Variants in SHISA9 observed in about 807,000 individuals in gnomAD.
SHISA9 encodes protein shisa-9.
A neutral mutation model predicts 38.0 loss-of-function variants in SHISA9; 13 were observed. The observed-to-expected ratio is 0.34, with a 90% CI of 0.22 to 0.54. The LOEUF (loss-of-function observed/expected upper bound fraction) is 0.54, where lower values mean the gene tolerates loss of function less well. Among genes scored for constraint, SHISA9 ranks in the 20% least tolerant of loss-of-function variants. The pLI, the probability that SHISA9 is intolerant of heterozygous loss-of-function variation, is 0.91. For missense variants in SHISA9, 538 were observed against 575.8 expected (o/e 0.93, Z 0.67); for synonymous variants, 275 against 242.0 (o/e 1.14, Z -1.27).
the SHISA9 span, among the ~76,000 whole-genome samples, chr16:13,291,517 T>G: frequency 1.3e-5 from 2 of 152,210 alleles, no homozygotes; most frequent in South Asian, 4.1e-4. Flanking sequence ...CTTTTTCATG[T>G]TTCCCATGAA....
Position 13,236,710 on chromosome 16 carries a change from G to T in SHISA9, c.*1301G>T, listed in dbSNP as rs1248608779. On this transcript the variant is annotated 3_prime_UTR_variant, in exon 5 of 5. Transcript: ENST00000558583. ...GAGCCCACCCCATAACACCCTCTGA[G>T]GGGCTGCTACAATGTCAGGGGTACC... 1 of 152,084 alleles carries T rather than the reference G, an allele frequency of 6.6e-6. No individual in the cohort carries two copies. Among genetic ancestry groups the T allele is most frequent in the Non-Finnish European group, 1.5e-5 (1 of 68,028 alleles). The allele number at this position is 152,084 out of a possible 1,614,324, so 9.4% of individuals were successfully genotyped here.
At chr16:12,966,181 T>C (rs2071975637) in intron 2 of SHISA9, among the ~76,000 whole-genome samples, 1 of 152,210 alleles carries the variant, frequency 6.6e-6, no homozygotes, top group Non-Finnish European at 1.5e-5. Context: ...TGGGCACCAC[T>C]GGCTGAAACT....
the SHISA9 span, among the ~76,000 whole-genome samples, chr16:13,417,543 G>A: frequency 6.6e-6 from 1 of 152,202 alleles, no homozygotes; most frequent in Non-Finnish European, 1.5e-5. Flanking sequence ...TCATTACAGT[G>A]TACTCACTTC....
chr16:13,400,629 G>T, the SHISA9 span, among the ~76,000 whole-genome samples: 1 of 152,190 alleles, frequency 6.6e-6, no homozygotes, highest in African/African-American at 2.4e-5. Flanking sequence ...GACAGTTGCT[G>T]CCAGGGTCCC....
chr16:13,394,953 GTGTGT>G, the SHISA9 span, among the ~76,000 whole-genome samples: 47 of 146,478 alleles, frequency 3.2e-4, no homozygotes, highest in African/African-American at 1.2e-3. Flanking sequence ...GTGTGTGTGT[GTGTGT>G]GTGTGTGTGT....
At chr16:12,973,742 C>G (rs577866413) in intron 2 of SHISA9, among the ~76,000 whole-genome samples, 2 of 152,140 alleles carry the variant, frequency 1.3e-5, no homozygotes, top group Non-Finnish European at 2.9e-5. Context: ...ATTAAGACTC[C>G]TAGAGGTGGG....
At chr16:13,338,298 T>C in the SHISA9 span, among the ~76,000 whole-genome samples, 1 of 152,208 alleles carries the variant, frequency 6.6e-6, no homozygotes, top group Non-Finnish European at 1.5e-5. Context: ...TCTCTTCTTT[T>C]TGCTTACGTC....
At chr16:13,142,018 A>T (rs2060895687) in intron 2 of SHISA9, among the ~76,000 whole-genome samples, 1 of 152,226 alleles carries the variant, frequency 6.6e-6, no homozygotes, top group Admixed American at 6.5e-5. Context: ...TTGTAGAAAG[A>T]TTACGCACTG....
the SHISA9 span, among the ~76,000 whole-genome samples, chr16:13,435,678 A>G: frequency 1.3e-5 from 2 of 152,230 alleles, no homozygotes; most frequent in Non-Finnish European, 2.9e-5. Context: ...CATTCTGCCC[A>G]CACGCAGCAA....
intron 2 of SHISA9, among the ~76,000 whole-genome samples, chr16:13,000,741 A>T (rs973799805): frequency 1.3e-5 from 2 of 152,328 alleles, no homozygotes; most frequent in African/African-American, 4.8e-5. Flanking sequence ...TAAGCATTCA[A>T]GAATGAGCAG....
At chr16:12,987,783 C>T (rs953031964) in intron 2 of SHISA9, among the ~76,000 whole-genome samples, 4 of 152,144 alleles carry the variant, frequency 2.6e-5, no homozygotes, top group African/African-American at 9.7e-5. Flanking sequence ...TTAGAGCTGC[C>T]ATTTTGTTGA....
At chr16:13,108,569 G>C (rs1239867782) in intron 2 of SHISA9, among the ~76,000 whole-genome samples, 1 of 152,090 alleles carries the variant, frequency 6.6e-6, no homozygotes, top group African/African-American at 2.4e-5. Context: ...CTGGCCCAAA[G>C]AGAGCATCTT....
Position 13,019,877 on chromosome 16 carries a change from TCCC to T in SHISA9, c.691+103063_691+103065del, listed in dbSNP as rs1567184030. Among the ~76,000 whole-genome samples, 20 of 33,458 alleles carry T rather than the reference TCCC, an allele frequency of 6.0e-4. 1 individual carries two copies. Among genetic ancestry groups the T allele is most frequent in the Admixed American group, 1.4e-3 (4 of 2,766 alleles). 21.9% of individuals were successfully genotyped at this position (33,458 alleles called of 152,430 possible). On this transcript the variant is annotated intron_variant, in intron 2 of 4. Transcript: ENST00000558583. Reference sequence around the variant, plus strand: ...CTCCCTCCCTCCCTCCCTCCCTCCCTCCCTCCCTTCTTTCTTTCTTTCTTTCTT... The same window carrying T: ...CTCCCTCCCTCCCTCCCTCCCTCCCTTCCCTTCTTTCTTTCTTTCTTTCTT...
At chr16:13,274,844 G>A in the SHISA9 span, among the ~76,000 whole-genome samples, 1 of 152,156 alleles carries the variant, frequency 6.6e-6, no homozygotes, top group African/African-American at 2.4e-5. Flanking sequence ...ATTCCCTGCA[G>A]CAGAAACACC....
the SHISA9 span, among the ~76,000 whole-genome samples, chr16:13,409,206 T>C: frequency 1.3e-5 from 2 of 152,136 alleles, no homozygotes; most frequent in Non-Finnish European, 2.9e-5. Flanking sequence ...GGGAAGATCA[T>C]CTTCCCACTC....
the SHISA9 span, among the ~76,000 whole-genome samples, chr16:13,375,938 T>G: frequency 3.3e-5 from 5 of 152,154 alleles, no homozygotes; most frequent in African/African-American, 4.8e-5. Context: ...TATATGGGGT[T>G]TCAAGTAGCA....
the SHISA9 span, among the ~76,000 whole-genome samples, chr16:13,518,959 C>T: frequency 1.3e-5 from 2 of 152,226 alleles, no homozygotes; most frequent in African/African-American, 2.4e-5. Context: ...ACAATAATCC[C>T]TTCATGAGAG....
chr16:13,436,062 G>C, the SHISA9 span, among the ~76,000 whole-genome samples: 1 of 152,190 alleles, frequency 6.6e-6, no homozygotes. Flanking sequence ...AACAGAACAA[G>C]AGCTGCCCCC....
chr16:13,084,483 A>C (rs1043203916), intron 2 of SHISA9, among the ~76,000 whole-genome samples: 2 of 152,220 alleles, frequency 1.3e-5, no homozygotes, highest in African/African-American at 4.8e-5. Context: ...AATGACAGAC[A>C]GGGCTGGAAA....
Sources: gnomAD v4.1 joint callset for allele counts (sites outside exome capture counted in the v4.1 genomes callset) on GRCh38, gnomAD v4.1.1 for gene constraint, MANE v1.5 for transcripts, NCBI Gene and HGNC (gene_info 2026-07-23, HGNC 2026-07-21) for gene names.